DPP9: variants seen among roughly 807,000 people sequenced by gnomAD.
DPP9 encodes the protein dipeptidyl peptidase IV-related protein-2.
Under a neutral mutation model 110.7 loss-of-function variants are expected in DPP9, and 50 were observed. That is an observed-to-expected ratio of 0.45 (90% CI 0.36 to 0.57). The LOEUF is 0.57. DPP9 is among the 20% of genes least tolerant of loss of function. The pLI is 0.00. For missense variants in DPP9, 1,022 were observed against 1,217.9 expected (o/e 0.84, Z 2.39); for synonymous variants, 561 against 514.4 (o/e 1.09, Z -1.23).
chr19:4,708,944 G>C (rs2885732), intron 4 of DPP9, among the ~76,000 whole-genome samples: 20,791 of 152,218 alleles, frequency 0.14, 1,818 homozygotes, highest in South Asian at 0.23. Flanking sequence ...TTGAGAGAGA[G>C]TCTCGCACTG....
rs761836322 is a variant in DPP9, at chr19:4,700,338, G to A, written c.1013-61C>T. ...CATCACCCGTGTGTGCCGAGAGCCGGCACGGGGGGCCTGGGCTGTGGGGTG... is the reference window on the plus strand; with the variant it reads ...CATCACCCGTGTGTGCCGAGAGCCGACACGGGGGGCCTGGGCTGTGGGGTG... On this transcript the variant is annotated intron_variant, in intron 9 of 21. Transcript: ENST00000262960. The surrounding 1 kb of genome is among the most constrained non-coding windows in gnomAD (Gnocchi z 4.3). 7.0e-6 allele frequency: 10 copies of A among 1,435,258 alleles called. No individual in the cohort carries two copies. Among genetic ancestry groups the A allele is most frequent in the Non-Finnish European group, 9.5e-6 (10 of 1,050,130 alleles). The allele number at this position is 1,435,258 out of a possible 1,614,324, so 88.9% of individuals were successfully genotyped here.
chr19:4,707,614 CTTTTTTTTTTT>C (rs906371157), intron 4 of DPP9, among the ~76,000 whole-genome samples: 29 of 78,432 alleles, frequency 3.7e-4, no homozygotes, highest in South Asian at 9.2e-4. Context: ...CTCATACTCG[CTTTTTTTTTTT>C]TTTTTTTTTT....
intron 3 of DPP9, among the ~76,000 whole-genome samples, chr19:4,716,465 A>G (rs529457083): frequency 1.1e-4 from 16 of 152,178 alleles, no homozygotes; most frequent in South Asian, 4.2e-4. Context: ...GTGAAACCCC[A>G]TCTCTACCAA....
rs1234610208 is a variant in DPP9, at chr19:4,684,065, C to T, written c.2179-436G>A. On this transcript the variant is annotated intron_variant, in intron 18 of 21. Transcript: ENST00000262960. This position sits in a 1 kb window ranked among gnomAD's most constrained non-coding sequence, Gnocchi z 4.8. The stretch of plus-strand genomic sequence containing the variant: ...TGCCACGATTTCAATGCTGGTGTCC[C>T]CTCTGAAGTCCGTGCTGAGATCACT... 1.1e-5 allele frequency: 4 copies of T among 360,726 alleles called. No individual in the cohort carries two copies. The highest frequency in any genetic ancestry group is 2.1e-5 in the African/African-American group (1 of 47,146). 22.3% of individuals were successfully genotyped at this position (360,726 alleles called of 1,614,324 possible). A position where few individuals can be genotyped will look rare whatever the true frequency, so the allele number is the denominator to read the frequency against.
At chr19:4,723,286 G>A (rs577562673) in intron 1 of DPP9, among the ~76,000 whole-genome samples, 14 of 152,214 alleles carry the variant, frequency 9.2e-5, no homozygotes, top group African/African-American at 3.4e-4. Context: ...GAGGAGATCG[G>A]GACCTCCAGA....
At position 4,682,678 on chromosome 19, in the gene DPP9, G is replaced by A. The variant is rs1250198383; in HGVS notation, c.2474+18C>T. The A allele has an allele frequency of 1.9e-6, 3 of 1,607,482 alleles. No homozygotes were observed. In the South Asian group the frequency reaches 3.3e-5, roughly 18 times the overall value. ...GAGAAGCCCCGGGGAGGAGCGCAGG[G>A]CAGGGCAGTGGCCTTACTCATTGGG... On this transcript the variant is annotated intron_variant, in intron 20 of 21. Transcript: ENST00000262960. This position sits in a 1 kb window ranked among gnomAD's most constrained non-coding sequence, Gnocchi z 7.1.
At chr19:4,679,644 C>T in intron 21 of DPP9, 191 bp downstream of exon 21, 2 of 593,898 alleles carry the variant, frequency 3.4e-6, no homozygotes, top group Non-Finnish European at 6.0e-6. Flanking sequence ...GCTGTCAAGA[C>T]AGGACTGATA....
chr19:4,712,868 A>T (rs1342075034), intron 4 of DPP9, among the ~76,000 whole-genome samples: 1 of 152,214 alleles, frequency 6.6e-6, no homozygotes, highest in East Asian at 1.9e-4. Flanking sequence ...TGTTGTTAGC[A>T]TGTGGTCAGC....
intron 16 of DPP9, among the ~76,000 whole-genome samples, chr19:4,688,018 G>A (rs533907495): frequency 3.3e-5 from 5 of 152,160 alleles, no homozygotes; most frequent in East Asian, 3.9e-4. Context: ...GGATGGTCTC[G>A]ATCTCCTGAC....
chr19:4,707,341 A>G (rs1008812830), intron 4 of DPP9, among the ~76,000 whole-genome samples: 4 of 152,084 alleles, frequency 2.6e-5, no homozygotes, highest in Non-Finnish European at 4.4e-5. Flanking sequence ...TGACAGTACA[A>G]TTGTCATTAG....
chr19:4,707,874 C>T (rs903132725), intron 4 of DPP9, among the ~76,000 whole-genome samples: 3 of 152,134 alleles, frequency 2.0e-5, no homozygotes, highest in Non-Finnish European at 4.4e-5. Flanking sequence ...GATCTGCCCA[C>T]CTTGGCCTCC....
chr19:4,703,399 T>C (rs951218308), intron 7 of DPP9, among the ~76,000 whole-genome samples: 5 of 148,258 alleles, frequency 3.4e-5, no homozygotes. Flanking sequence ...CCGAGGCAGG[T>C]AGATCATTTG....
Position 4,689,530 on chromosome 19 carries a change from G to T in DPP9, c.1749+40C>A. 1 of 1,534,732 alleles carries T rather than the reference G, an allele frequency of 6.5e-7. No homozygotes were observed. The highest frequency in any genetic ancestry group is 8.7e-7 in the Non-Finnish European group (1 of 1,145,338). ...GGACTGCTCTGGCTGGGAGCTGTTG[G>T]ACGGGCACAGGGCGGTGCCGTGAGG... On this transcript the variant is annotated intron_variant, in intron 15 of 21. Transcript: ENST00000262960. This position sits in a 1 kb window ranked among gnomAD's most constrained non-coding sequence, Gnocchi z 7.0.
chr19:4,711,772 CAAAAAAAAAAA>C (rs752279327), intron 4 of DPP9, among the ~76,000 whole-genome samples: 24 of 44,356 alleles, frequency 5.4e-4, no homozygotes, highest in South Asian at 4.2e-3. Context: ...GACTCCATCT[CAAAAAAAAAAA>C]AAAAAAAAAA....
At chr19:4,711,688 G>A (rs983213901) in intron 4 of DPP9, among the ~76,000 whole-genome samples, 3 of 145,610 alleles carry the variant, frequency 2.1e-5, no homozygotes, top group African/African-American at 7.7e-5. Context: ...TAGGAGAATC[G>A]CTTGAACCCA....
chr19:4,701,996 G>T, intron 9 of DPP9, 31 bp downstream of exon 9: 1 of 1,605,276 alleles, frequency 6.2e-7, no homozygotes, highest in South Asian at 1.1e-5. Context: ...CAGATCCCCG[G>T]CCCAGCCCCT....
intron 11 of DPP9, 76 bp downstream of exon 11, chr19:4,697,475 G>A (rs2091898278): frequency 7.9e-7 from 1 of 1,266,200 alleles, no homozygotes; most frequent in Non-Finnish European, 1.1e-6. Flanking sequence ...CGGAAGGCCA[G>A]GAGGCAGCTT....
In DPP9 at chr19:4,682,695, CT is replaced by C; in HGVS notation, c.2474del (p.Glu825GlyfsTer28). 1 of 1,609,476 alleles carries C rather than the reference CT, an allele frequency of 6.2e-7. No individual in the cohort carries two copies. Among genetic ancestry groups the C allele is most frequent in the Non-Finnish European group, 8.5e-7 (1 of 1,178,302 alleles). ...VALHVEKLPN[E>X]PNRLLILHGF... ...AGCGCAGGGCAGGGCAGTGGCCTTA[CT>C]CATTGGGCAGCTTCTCCACGTGCAG... On this transcript the variant is annotated frameshift_variant and splice_region_variant, in exon 20 of 22. Transcript: ENST00000262960. LOFTEE classifies it high-confidence loss of function. The surrounding 1 kb of genome is among the most constrained non-coding windows in gnomAD (Gnocchi z 7.1).
chr19:4,691,158 T>C (rs1016713858), intron 13 of DPP9, among the ~76,000 whole-genome samples: 2 of 152,078 alleles, frequency 1.3e-5, no homozygotes, highest in Non-Finnish European at 2.9e-5. Flanking sequence ...GTTCCTGCCA[T>C]GTGGATGGCA....
Sources: gnomAD v4.1 joint callset for allele counts (sites outside exome capture counted in the v4.1 genomes callset) on GRCh38, gnomAD v4.1.1 for gene constraint, Gnocchi (gnomAD v3.1) non-coding constraint, MANE v1.5 for transcripts, NCBI Gene and HGNC (gene_info 2026-07-23, HGNC 2026-07-21) for gene names.